Variants in ANXA6 observed in about 807,000 individuals in gnomAD.
The protein encoded by ANXA6 is annexin A6.
A neutral mutation model predicts 95.4 loss-of-function variants in ANXA6; 71 were observed. The observed-to-expected ratio is 0.74, with a 90% CI of 0.61 to 0.91. ANXA6 has a LOEUF of 0.91. ANXA6 is among the 40% of genes least tolerant of loss of function. The pLI is 0.00. For synonymous variants in ANXA6, 289 were observed against 315.9 expected (o/e 0.91, Z 0.90); for missense variants, 830 against 876.4 (o/e 0.95, Z 0.67).
chr5:151,125,895 TA>T (rs1765301632), intron 14 of ANXA6, among the ~76,000 whole-genome samples: 1 of 152,128 alleles, frequency 6.6e-6, no homozygotes. Flanking sequence ...ACATAGCGAA[TA>T]AGTAACAGAG....
At chr5:151,132,846 G>A (rs1765555301) in intron 9 of ANXA6, among the ~76,000 whole-genome samples, 1 of 151,796 alleles carries the variant, frequency 6.6e-6, no homozygotes. Context: ...TGACTTTGCT[G>A]AGGGACTATA....
chr5:151,145,321 C>T (rs1342810446), intron 2 of ANXA6, among the ~76,000 whole-genome samples: 1 of 152,240 alleles, frequency 6.6e-6, no homozygotes, highest in Non-Finnish European at 1.5e-5. Flanking sequence ...ACCTAGGTCT[C>T]ACCTCCACAG....
intron 8 of ANXA6, among the ~76,000 whole-genome samples, chr5:151,133,936 A>G (rs1330845987): frequency 2.0e-5 from 3 of 152,180 alleles, no homozygotes; most frequent in African/African-American, 7.2e-5. Flanking sequence ...ACACTATTGC[A>G]TGAGCTCCTC....
chr5:151,131,337 G>A (rs770763838), intron 10 of ANXA6, 48 bp from the exon 11 acceptor site: 4 of 1,592,774 alleles, frequency 2.5e-6, no homozygotes, highest in African/African-American at 1.3e-5. Flanking sequence ...GCCTCAGAAG[G>A]GGGATGGGAT....
chr5:151,136,380 A>G, intron 6 of ANXA6, 45 bp from the exon 7 acceptor site: 1 of 1,585,428 alleles, frequency 6.3e-7, no homozygotes, highest in Non-Finnish European at 8.7e-7. Context: ...CAGAGACCTC[A>G]GGGATCTAGG....
intron 17 of ANXA6, 54 bp downstream of exon 17, chr5:151,122,093 C>T: frequency 8.6e-7 from 1 of 1,169,314 alleles, no homozygotes; most frequent in Non-Finnish European, 1.2e-6. Flanking sequence ...ATGAGGATCA[C>T]CTGTATCCCT....
intron 1 of ANXA6, chr5:151,155,640 A>C (rs1766217423): frequency 6.6e-6 from 1 of 152,220 alleles, no homozygotes; most frequent in Non-Finnish European, 1.5e-5. Flanking sequence ...CCACCCAGGA[A>C]GTATATCGGA....
At chr5:151,136,792 C>T (rs182645405) in intron 6 of ANXA6, among the ~76,000 whole-genome samples, 2 of 152,342 alleles carry the variant, frequency 1.3e-5, no homozygotes, top group East Asian at 3.9e-4. Flanking sequence ...CTACCAGGCT[C>T]ATTTCTATTT....
chr5:151,103,777 TTTCTCCCTTG>T (rs779417311), intron 24 of ANXA6, 85 bp from the exon 25 acceptor site: 1 of 1,456,966 alleles, frequency 6.9e-7, no homozygotes. Flanking sequence ...CCCATCTGCC[TTTCTCCCTTG>T]TTCCTTCCAA....
chr5:151,130,352 G>T (rs974584566), intron 11 of ANXA6, among the ~76,000 whole-genome samples: 5 of 152,026 alleles, frequency 3.3e-5, no homozygotes, highest in Admixed American at 6.6e-5. Flanking sequence ...CTGTGCTCAA[G>T]AAATCCTCCT....
intron 23 of ANXA6, among the ~76,000 whole-genome samples, chr5:151,107,978 TGTG>T (rs541460725): frequency 0.018 from 2,685 of 151,916 alleles, 81 homozygotes; most frequent in African/African-American, 0.061. Context: ...TGTAGTGTCT[TGTG>T]GGGGTGTAGC....
chr5:151,154,511 C>T (rs1423536569), intron 1 of ANXA6, among the ~76,000 whole-genome samples: 1 of 152,098 alleles, frequency 6.6e-6, no homozygotes, highest in Non-Finnish European at 1.5e-5. Context: ...ACTTAGAAGG[C>T]CCCTGGCCTA....
chr5:151,153,195 C>T (rs1186790870), intron 1 of ANXA6, among the ~76,000 whole-genome samples: 6 of 152,174 alleles, frequency 3.9e-5, no homozygotes, highest in African/African-American at 7.2e-5. Flanking sequence ...AAACCAGGAA[C>T]GCCTTCCACC....
At chr5:151,121,147 C>T (rs950626471) in intron 17 of ANXA6, among the ~76,000 whole-genome samples, 4 of 152,194 alleles carry the variant, frequency 2.6e-5, no homozygotes, top group African/African-American at 7.2e-5. Flanking sequence ...CCTCTTAATG[C>T]GCAAGGGGCC....
In ANXA6 at chr5:151,137,276, G is replaced by A. The variant is rs752925389; in HGVS notation, c.364C>T (p.Arg122Trp). The A allele has an allele frequency of 8.1e-6, 13 of 1,613,408 alleles. No homozygotes were observed. The highest frequency in any genetic ancestry group is 1.7e-4 in the Middle Eastern group (1 of 5,948). Residue 122 changes from arginine (R) to tryptophan (W), a missense_variant, in exon 6 of 26, where the codon CGG becomes TGG. Physicochemically the swap from Arg to Trp is moderately radical, Grantham distance 101. Coordinates refer to ENST00000354546, the MANE Select transcript of ANXA6 (RefSeq NM_001155.5). ...AGCTGGTGCATCTGCTCATTGGTCCGGGAAGCCAAGATCTCAATGAGGCAC... is the reference window on the plus strand; with the variant it reads ...AGCTGGTGCATCTGCTCATTGGTCCAGGAAGCCAAGATCTCAATGAGGCAC... Reference protein sequence around the residue: ...EKCLIEILASRTNEQMHQLVA... With the variant: ...EKCLIEILASWTNEQMHQLVA...
intron 1 of ANXA6, among the ~76,000 whole-genome samples, chr5:151,148,794 C>A (rs1281352007): frequency 6.6e-6 from 1 of 151,996 alleles, no homozygotes; most frequent in Non-Finnish European, 1.5e-5. Context: ...GAGGAACCAC[C>A]ACGAGCTCAG....
intron 2 of ANXA6, among the ~76,000 whole-genome samples, chr5:151,143,797 G>A (rs898594864): frequency 2.0e-5 from 3 of 152,064 alleles, no homozygotes; most frequent in Non-Finnish European, 4.4e-5. Flanking sequence ...ATGAATGACT[G>A]CGAATATATT....
At position 151,133,202 on chromosome 5, in the gene ANXA6, G is replaced by A; in HGVS notation, c.547-15C>T. 2 of 1,554,736 alleles carry A rather than the reference G, an allele frequency of 1.3e-6. No individual in the cohort carries two copies. Among genetic ancestry groups the A allele is most frequent in the Non-Finnish European group, 1.7e-6 (2 of 1,145,360 alleles). On this transcript the variant is annotated splice_polypyrimidine_tract_variant and intron_variant, in intron 8 of 25. Coordinates refer to ENST00000354546, the MANE Select transcript of ANXA6 (RefSeq NM_001155.5). ...TCGTATAGGTCCTGAAGGGGAAGAG[G>A]TGGCACTTGACTGAAAGAGGAAACC...
chr5:151,141,607 G>T, intron 2 of ANXA6: 1 of 985,452 alleles, frequency 1.0e-6, no homozygotes, highest in Non-Finnish European at 1.2e-6. Context: ...GCCTCCCAAC[G>T]TCTGCACTGC....
Sources: allele counts gnomAD v4.1 joint callset (sites outside exome capture counted in the v4.1 genomes callset), GRCh38; gene constraint gnomAD v4.1.1; transcripts MANE v1.5; gene names NCBI Gene and HGNC (gene_info 2026-07-23, HGNC 2026-07-21).